Variants in METTL16 observed in about 807,000 individuals in gnomAD.
METTL16 encodes RNA N(6)-adenosine-methyltransferase METTL16.
In METTL16, 19 loss-of-function variants were observed where a neutral mutation model predicts 57.9. That is an observed-to-expected ratio of 0.33 (90% CI 0.23 to 0.48). METTL16 has a LOEUF of 0.48. METTL16 is among the 20% of genes least tolerant of loss of function. METTL16 has a pLI of 0.99. For synonymous variants in METTL16, 246 were observed against 255.6 expected (o/e 0.96, Z 0.36); for missense variants, 434 against 691.5 (o/e 0.63, Z 4.18).
chr17:2,511,675 A>T (rs1340091077), intron 1 of METTL16, 84 bp downstream of exon 1: 1 of 394,928 alleles, frequency 2.5e-6, no homozygotes, highest in Non-Finnish European at 4.5e-6. Flanking sequence ...CACTAGCCCA[A>T]AACTCAAGAA....
intron 8 of METTL16, among the ~76,000 whole-genome samples, chr17:2,428,293 C>T (rs1436293561): frequency 3.3e-5 from 5 of 151,414 alleles, no homozygotes; most frequent in Non-Finnish European, 7.4e-5. Flanking sequence ...CCTAGAACAA[C>T]CTGTGATACC....
intron 2 of METTL16, among the ~76,000 whole-genome samples, chr17:2,487,011 A>AG (rs920696304): frequency 6.6e-6 from 1 of 150,800 alleles, no homozygotes; most frequent in African/African-American, 2.4e-5. Flanking sequence ...CTCAAAAAAA[A>AG]AAAAAAAAAA....
intron 6 of METTL16, among the ~76,000 whole-genome samples, chr17:2,454,267 T>A (rs1293393919): frequency 6.6e-6 from 1 of 152,112 alleles, no homozygotes; most frequent in East Asian, 1.9e-4. Context: ...TCAAGTGAAG[T>A]ATAATATAGA....
chr17:2,501,840 A>G (rs1287966853), intron 2 of METTL16, among the ~76,000 whole-genome samples: 4 of 151,470 alleles, frequency 2.6e-5, no homozygotes, highest in Non-Finnish European at 5.9e-5. Flanking sequence ...CCTGGGCAAC[A>G]GAGCGAGACT....
intron 8 of METTL16, among the ~76,000 whole-genome samples, chr17:2,428,074 A>T (rs944442813): frequency 1.3e-5 from 2 of 152,022 alleles, no homozygotes; most frequent in African/African-American, 2.4e-5. Flanking sequence ...AGGAAAAGAA[A>T]GGAAAGGAAT....
At chr17:2,465,500 T>C (rs567731615) in intron 5 of METTL16, among the ~76,000 whole-genome samples, 44 of 122,512 alleles carry the variant, frequency 3.6e-4, no homozygotes, top group South Asian at 2.4e-3. Flanking sequence ...TGAAACGAGA[T>C]CACGCCACTG....
intron 2 of METTL16, among the ~76,000 whole-genome samples, chr17:2,489,748 A>AAAAAAAAAAAAC: frequency 6.6e-6 from 1 of 150,516 alleles, no homozygotes; most frequent in Non-Finnish European, 1.5e-5. Flanking sequence ...AAAAAAAAAA[A>AAAAAAAAAAAAC]ACGAATACTG....
In METTL16 at chr17:2,470,656, C is replaced by T. The variant is rs528252887; in HGVS notation, c.470-2780G>A. 1.6e-4 allele frequency among the ~76,000 whole-genome samples: 25 copies of T among 152,182 alleles called. 1 individual carries two copies. Among genetic ancestry groups the T allele is most frequent in the African/African-American group, 5.1e-4 (21 of 41,522 alleles). ...AGACCCCATCTCTACAAAAAAAACA[C>T]AAAAATTAGCCAGGCGTGGTGGCAC... On this transcript the variant is annotated intron_variant, in intron 4 of 9. Transcript: ENST00000263092.
At chr17:2,506,346 A>G (rs1393152917) in intron 1 of METTL16, among the ~76,000 whole-genome samples, 1 of 148,886 alleles carries the variant, frequency 6.7e-6, no homozygotes, top group Non-Finnish European at 1.5e-5. Context: ...GCCGAAGCTG[A>G]ACTGTGCTGC....
Position 2,479,817 on chromosome 17 carries a change from C to T in METTL16, c.129-1932G>A, listed in dbSNP as rs375206049. ...TATGGAAGTTAGGAGATCTGGACTC[C>T]ACTTTTGGCTCTGCAATCAATTTGC... On this transcript the variant is annotated intron_variant, in intron 2 of 9. Transcript: ENST00000263092. Among the ~76,000 whole-genome samples, 5 of 152,228 alleles carry T rather than the reference C, an allele frequency of 3.3e-5. No homozygotes were observed. In the East Asian group the frequency reaches 7.7e-4, roughly 24 times the overall value.
Position 2,480,415 on chromosome 17 carries a change from A to G in METTL16, c.129-2530T>C, listed in dbSNP as rs150735168. On this transcript the variant is annotated intron_variant, in intron 2 of 9. Coordinates refer to ENST00000263092, the MANE Select transcript of METTL16 (RefSeq NM_024086.4). ...AAGGGATGAAGAATGAAGCTTTAAT[A>G]TAATCTACAGCAGACAGAAACAGGA... Among the ~76,000 whole-genome samples, 983 of 152,288 alleles carry G rather than the reference A, an allele frequency of 6.5e-3. 9 individuals carry two copies. Among genetic ancestry groups the G allele is most frequent in the Non-Finnish European group, 0.01 (688 of 68,004 alleles).
At chr17:2,471,462 T>C (rs776817780) in intron 4 of METTL16, among the ~76,000 whole-genome samples, 31 of 152,258 alleles carry the variant, frequency 2.0e-4, no homozygotes, top group African/African-American at 6.7e-4. Flanking sequence ...TTTTTGGATA[T>C]AATACCAACA....
At chr17:2,434,944 G>A (rs943051757) in intron 8 of METTL16, among the ~76,000 whole-genome samples, 9 of 152,090 alleles carry the variant, frequency 5.9e-5, no homozygotes, top group Admixed American at 1.3e-4. Flanking sequence ...CCTAACAAAC[G>A]TCAAACTTCC....
In METTL16 at chr17:2,417,058, C is replaced by CTTTTTGTTTTTTTTTTTTTTT. The variant is rs2066722513; in HGVS notation, c.*2911_*2912insAAAAAAAAAAAAAAACAAAAA. Reference sequence around the variant, plus strand: ...TGAAAGCTGGCCTGCTCATGGGTTCCTTTTTTTTTTTTTTTTTTTTTTTTT... The same window carrying CTTTTTGTTTTTTTTTTTTTTT: ...TGAAAGCTGGCCTGCTCATGGGTTCCTTTTTGTTTTTTTTTTTTTTTTTTTTTTTTTTTTTTTTTTTTTTTT... On this transcript the variant is annotated 3_prime_UTR_variant, in exon 10 of 10. Transcript: ENST00000263092. The CTTTTTGTTTTTTTTTTTTTTT allele has an allele frequency of 1.6e-5, 1 of 61,534 alleles. No individual in the cohort carries two copies. Among genetic ancestry groups the CTTTTTGTTTTTTTTTTTTTTT allele is most frequent in the Non-Finnish European group, 2.8e-5 (1 of 35,662 alleles). The allele number at this position is 61,534 out of a possible 1,614,324, so 3.8% of individuals were successfully genotyped here.
At position 2,418,218 on chromosome 17, in the gene METTL16, AC is replaced by A. The variant is rs2066734909; in HGVS notation, c.*1751del. On this transcript the variant is annotated 3_prime_UTR_variant, in exon 10 of 10. Coordinates refer to ENST00000263092, the MANE Select transcript of METTL16 (RefSeq NM_024086.4). ...AAAATACACACACACACACACACACACACACATGCTCACAGAGCTTTTAGAA... is the reference window on the plus strand; with the variant it reads ...AAAATACACACACACACACACACACAACACATGCTCACAGAGCTTTTAGAA... 1 of 152,136 alleles carries A rather than the reference AC, an allele frequency of 6.6e-6. No individual in the cohort carries two copies. Among genetic ancestry groups the A allele is most frequent in the African/African-American group, 2.4e-5 (1 of 41,388 alleles). 9.4% of individuals were successfully genotyped at this position (152,136 alleles called of 1,614,324 possible).
chr17:2,453,436 G>C (rs935922910), intron 6 of METTL16, among the ~76,000 whole-genome samples: 1 of 152,098 alleles, frequency 6.6e-6, no homozygotes, highest in Non-Finnish European at 1.5e-5. Context: ...CCTCAACTGG[G>C]TGTGTCTGAA....
rs1435096521 is a variant in METTL16 at position 2,419,593 on chromosome 17, T to C, written c.*377A>G. 6.4e-6 allele frequency: 3 copies of C among 469,958 alleles called. No homozygotes were observed. The highest frequency in any genetic ancestry group is 5.9e-5 in the African/African-American group (3 of 50,554). The allele number at this position is 469,958 out of a possible 1,614,324, so 29.1% of individuals were successfully genotyped here. On this transcript the variant is annotated 3_prime_UTR_variant, in exon 10 of 10. Coordinates refer to ENST00000263092, the MANE Select transcript of METTL16 (RefSeq NM_024086.4). The stretch of plus-strand genomic sequence containing the variant: ...CCCCTCCTCAAGAAACACCCTTGGG[T>C]GACAGAGACAGCATGATATTCTAGG...
chr17:2,445,085 C>T (rs1015327165), intron 6 of METTL16, among the ~76,000 whole-genome samples: 2 of 152,106 alleles, frequency 1.3e-5, no homozygotes, highest in Admixed American at 6.5e-5. Context: ...CTCCTAACCT[C>T]GTGATCCACC....
chr17:2,469,682 G>A (rs1346995137), intron 4 of METTL16, among the ~76,000 whole-genome samples: 9 of 152,008 alleles, frequency 5.9e-5, no homozygotes, highest in African/African-American at 1.2e-4. Flanking sequence ...CCATCACCAC[G>A]CCTGGCTAAT....
Sources: allele counts gnomAD v4.1 joint callset (sites outside exome capture counted in the v4.1 genomes callset), GRCh38; gene constraint gnomAD v4.1.1; transcripts MANE v1.5; gene names NCBI Gene and HGNC (gene_info 2026-07-23, HGNC 2026-07-21).